The following SLC44A1 variants were observed in gnomAD, a reference collection of about 807,000 sequenced individuals.
SLC44A1 encodes the protein choline transporter-like protein 1.
SLC44A1 carries 26 observed loss-of-function variants against 79.3 expected under a neutral mutation model. The observed-to-expected ratio is 0.33, with a 90% CI of 0.24 to 0.46. SLC44A1 has a LOEUF of 0.46. Among genes scored for constraint, SLC44A1 ranks in the 20% least tolerant of loss-of-function variants. The pLI, the probability that SLC44A1 is intolerant of heterozygous loss-of-function variation, is 1.00. For missense variants in SLC44A1, 688 were observed against 798.1 expected (o/e 0.86, Z 1.66); for synonymous variants, 263 against 286.2 (o/e 0.92, Z 0.82).
At chr9:105,397,820 C>CGTGGTGGCGGGA (rs1564051698), downstream of SLC44A1, among the ~76,000 whole-genome samples, 83 of 152,010 alleles carry the variant, frequency 5.5e-4, no homozygotes, top group Non-Finnish European at 9.7e-4. Context: ...TGGTGGCGGG[C>CGTGGTGGCGGGA]GCCTGTAGTC....
At position 105,342,598 on chromosome 9, in the gene SLC44A1, T is replaced by A. The variant is rs1014680780; in HGVS notation, c.407-5760T>A. 2.6e-5 allele frequency among the ~76,000 whole-genome samples: 4 copies of A among 152,246 alleles called. No homozygotes were observed. The East Asian group carries it at 7.7e-4, about 29-fold the overall frequency. ...ATGCCTGCTCAGACAGTTCTTCTCC[T>A]TTCTCTCTCCCCACTCTAATTCTGA... On this transcript the variant is annotated intron_variant, in intron 4 of 15. Transcript: ENST00000374720.
intron 3 of SLC44A1, among the ~76,000 whole-genome samples, 181 bp downstream of exon 3, chr9:105,310,047 A>G (rs1831137294): frequency 6.6e-6 from 1 of 152,200 alleles, no homozygotes; most frequent in Admixed American, 6.5e-5. Context: ...TGGTCTACAA[A>G]TAACATTCTT....
chr9:105,357,081 T>C (rs145230784), intron 6 of SLC44A1: 13 of 152,196 alleles, frequency 8.5e-5, no homozygotes, highest in Admixed American at 6.5e-5. Context: ...TTAACAATTA[T>C]AGCCATTGAG....
intron 1 of SLC44A1, among the ~76,000 whole-genome samples, chr9:105,267,554 A>G (rs764730352): frequency 6.6e-6 from 1 of 151,552 alleles, no homozygotes; most frequent in South Asian, 2.1e-4. Flanking sequence ...CAGTATTTCT[A>G]TTGTGTTTTT....
rs182528383 is a variant in SLC44A1, at chr9:105,348,610, T to C, written c.500+159T>C. 1.4e-4 allele frequency among the ~76,000 whole-genome samples: 21 copies of C among 152,262 alleles called. No homozygotes were observed. In the East Asian group the frequency reaches 2.7e-3, roughly 20 times the overall value. ...TAAAGTAGCAATAGAAATGACATTA[T>C]ATATTTAATATTTAAAAACAACACA... is the stretch of plus-strand genomic sequence containing the variant. On this transcript the variant is annotated intron_variant, in intron 5 of 15. Transcript: ENST00000374720.
At chr9:105,286,351 C>T (rs1830477911) in intron 1 of SLC44A1, among the ~76,000 whole-genome samples, 1 of 152,166 alleles carries the variant, frequency 6.6e-6, no homozygotes, top group African/African-American at 2.4e-5. Flanking sequence ...TATTACTTAA[C>T]CCCCTTTGTC....
At chr9:105,377,508 T>C (rs988035267) in intron 13 of SLC44A1, among the ~76,000 whole-genome samples, 2 of 151,792 alleles carry the variant, frequency 1.3e-5, no homozygotes, top group East Asian at 1.9e-4. Context: ...CCCAGCACTT[T>C]GGGAGGCCAA....
At chr9:105,399,032 G>A (rs762664332), downstream of SLC44A1, among the ~76,000 whole-genome samples, 1 of 151,978 alleles carries the variant, frequency 6.6e-6, no homozygotes, top group Admixed American at 6.6e-5. Flanking sequence ...TGCGTCTCGC[G>A]GGCCGTGGGT....
intron 1 of SLC44A1, among the ~76,000 whole-genome samples, chr9:105,288,251 G>A (rs1161473904): frequency 6.6e-6 from 1 of 151,544 alleles, no homozygotes; most frequent in Non-Finnish European, 1.5e-5. Context: ...TATCCCAGTT[G>A]TAGATTTATT....
intron 1 of SLC44A1, among the ~76,000 whole-genome samples, chr9:105,279,341 G>A (rs1222101098): frequency 2.9e-5 from 4 of 139,256 alleles, no homozygotes; most frequent in Non-Finnish European, 4.6e-5. Flanking sequence ...TTTTTGAGAC[G>A]GAGTCTGACT....
intron 15 of SLC44A1, among the ~76,000 whole-genome samples, chr9:105,429,542 A>G (rs1829365852): frequency 1.3e-5 from 2 of 152,314 alleles, no homozygotes; most frequent in South Asian, 2.1e-4. Flanking sequence ...GGCTCAAGCT[A>G]TCCTCCTGCG....
chr9:105,363,168 G>A (rs553047868), intron 9 of SLC44A1, among the ~76,000 whole-genome samples, 161 bp downstream of exon 9: 2 of 145,290 alleles, frequency 1.4e-5, no homozygotes, highest in African/African-American at 2.8e-5. Flanking sequence ...CTTCATATTC[G>A]TCTTTTTTTT....
intron 12 of SLC44A1, among the ~76,000 whole-genome samples, chr9:105,373,572 A>G (rs907165978): frequency 6.6e-6 from 1 of 152,214 alleles, no homozygotes; most frequent in Non-Finnish European, 1.5e-5. Flanking sequence ...AGGGAGGGGA[A>G]TGTGGAGCAG....
At position 105,393,531 on chromosome 9, in the gene SLC44A1, T is replaced by A; in HGVS notation, c.*4475T>A. On this transcript the variant is annotated 3_prime_UTR_variant, in exon 16 of 16. Transcript: ENST00000374720. ...AAAAGGATAATTTTAATCCAAGATT[T>A]AAATCTTTGAAAATATCTTTCTTAT... 1.1e-6 allele frequency: 1 copy of A among 925,366 alleles called. No homozygotes were observed. Among genetic ancestry groups the A allele is most frequent in the Non-Finnish European group, 1.3e-6 (1 of 775,206 alleles). The allele number at this position is 925,366 out of a possible 1,614,324, so 57.3% of individuals were successfully genotyped here.
At chr9:105,348,603 G>A (rs949673219) in intron 5 of SLC44A1, 152 bp downstream of exon 5, 11 of 528,812 alleles carry the variant, frequency 2.1e-5, no homozygotes, top group Admixed American at 3.7e-5. Flanking sequence ...CAATAGAAAT[G>A]ACATTATATA....
intron 1 of SLC44A1, among the ~76,000 whole-genome samples, chr9:105,254,033 T>C (rs1488656278): frequency 2.6e-5 from 4 of 151,428 alleles, no homozygotes; most frequent in Non-Finnish European, 5.9e-5. Flanking sequence ...GACCCTGTCT[T>C]AAACAAAGAA....
chr9:105,421,690 C>T (rs1292023954), intron 15 of SLC44A1, among the ~76,000 whole-genome samples: 1 of 151,680 alleles, frequency 6.6e-6, no homozygotes, highest in East Asian at 1.9e-4. Flanking sequence ...TGGGTTCACG[C>T]CATTCTCCTG....
chr9:105,392,688 T>A lies in SLC44A1; in HGVS notation c.*3632T>A. 1.0e-6 allele frequency: 1 copy of A among 985,434 alleles called. No individual in the cohort carries two copies. Among genetic ancestry groups the A allele is most frequent in the South Asian group, 4.7e-5 (1 of 21,288 alleles). The allele number at this position is 985,434 out of a possible 1,614,324, so 61.0% of individuals were successfully genotyped here. A position where few individuals can be genotyped will look rare whatever the true frequency, so the allele number is the denominator to read the frequency against. On this transcript the variant is annotated 3_prime_UTR_variant, in exon 16 of 16. Coordinates refer to ENST00000374720, the MANE Select transcript of SLC44A1 (RefSeq NM_080546.5). ...ACATCACTGCCCCTGAGGCTTCAAC[T>A]ATTTCCACCATGCACTATTACTAGC...
intron 15 of SLC44A1, among the ~76,000 whole-genome samples, chr9:105,419,596 C>G (rs977516991): frequency 2.0e-5 from 3 of 152,100 alleles, no homozygotes; most frequent in Admixed American, 2.0e-4. Flanking sequence ...TACCTTCTAC[C>G]TAGTTCAGAA....
Sources: allele counts gnomAD v4.1 joint callset (sites outside exome capture counted in the v4.1 genomes callset), GRCh38; gene constraint gnomAD v4.1.1; transcripts MANE v1.5; gene names NCBI Gene and HGNC (gene_info 2026-07-23, HGNC 2026-07-21).